GARNL3: variants seen among roughly 807,000 people sequenced by gnomAD.
GARNL3 encodes GTPase-activating Rap/Ran-GAP domain-like protein 3.
In GARNL3, 63 loss-of-function variants were observed where a neutral mutation model predicts 125.0. The ratio of observed to expected loss-of-function variants is 0.50; its 90% CI spans 0.41 to 0.62. GARNL3 has a LOEUF of 0.62. Among genes scored for constraint, GARNL3 ranks in the 20% least tolerant of loss-of-function variants. GARNL3 has a pLI of 0.00. For missense variants in GARNL3, 994 were observed against 1,244.0 expected, an observed-to-expected ratio of 0.80 and a Z score of 3.02; for synonymous variants, 439 against 457.5, an observed-to-expected ratio of 0.96 and a Z score of 0.52.
At chr9:127,299,855 G>A (rs368003008) in intron 2 of GARNL3, among the ~76,000 whole-genome samples, 1 of 151,470 alleles carries the variant, frequency 6.6e-6, no homozygotes, top group Admixed American at 6.6e-5. Flanking sequence ...GTGAGCCACC[G>A]TGCCCAGCCA....
In GARNL3 at chr9:127,302,471, G is replaced by A. The variant is rs915113079; in HGVS notation, c.220-9165G>A. ...CATTTACACAATGAACTGGTTAGTG[G>A]CCATTAGAATGAGGTAGACACATAT... On this transcript the variant is annotated intron_variant, in intron 2 of 27. Transcript: ENST00000373387. 8.7e-4 allele frequency among the ~76,000 whole-genome samples: 133 copies of A among 152,094 alleles called. 7 individuals carry two copies. The highest frequency in any genetic ancestry group is 4.4e-5 in the Non-Finnish European group (3 of 68,014).
chr9:127,391,533 A>AAAAAAAAAAAAAAAAAAATAT, intron 27 of GARNL3, among the ~76,000 whole-genome samples: 1 of 75,874 alleles, frequency 1.3e-5, no homozygotes, highest in Non-Finnish European at 3.2e-5. Context: ...ACAAAAAAAA[A>AAAAAAAAAAAAAAAAAAATAT]ATATATATAT....
rs1174526300 is a variant in GARNL3 at position 127,349,103 on chromosome 9, C to T, written c.1543+68C>T. ...TTGTAGTACTTCTAAGATGAGTGACCACCAACCAACTCCCTTTGGGCCATA... is the reference window on the plus strand; with the variant it reads ...TTGTAGTACTTCTAAGATGAGTGACTACCAACCAACTCCCTTTGGGCCATA... On this transcript the variant is annotated intron_variant, in intron 17 of 27. Transcript: ENST00000373387. The T allele has an allele frequency of 4.9e-6, 5 of 1,022,014 alleles. No homozygotes were observed. The East Asian group carries it at 7.1e-5, about 15-fold the overall frequency. 63.3% of individuals were successfully genotyped at this position (1,022,014 alleles called of 1,614,324 possible).
At chr9:127,366,097 G>A (rs1349347263) in intron 22 of GARNL3, among the ~76,000 whole-genome samples, 1 of 152,160 alleles carries the variant, frequency 6.6e-6, no homozygotes. Flanking sequence ...AGATAAAGCT[G>A]CCCAGTCTAA....
intron 22 of GARNL3, among the ~76,000 whole-genome samples, chr9:127,375,777 T>C (rs1459860362): frequency 6.6e-6 from 1 of 152,210 alleles, no homozygotes; most frequent in African/African-American, 2.4e-5. Context: ...GACTGCCTTA[T>C]GGTTCCTTCT....
At chr9:127,334,580 G>A (rs753298273) in intron 9 of GARNL3, among the ~76,000 whole-genome samples, 12 of 152,118 alleles carry the variant, frequency 7.9e-5, no homozygotes, top group African/African-American at 2.9e-4. Flanking sequence ...TCATACCCCC[G>A]CTGCCAACCC....
intron 2 of GARNL3, among the ~76,000 whole-genome samples, chr9:127,249,991 G>A (rs1442060883): frequency 1.3e-5 from 2 of 152,112 alleles, no homozygotes; most frequent in Non-Finnish European, 2.9e-5. Flanking sequence ...CCTGGGCAAC[G>A]AGTGAAACTC....
chr9:127,240,669 G>A (rs1361828935), intron 1 of GARNL3, among the ~76,000 whole-genome samples: 3 of 152,208 alleles, frequency 2.0e-5, no homozygotes, highest in East Asian at 1.9e-4. Flanking sequence ...TTGGGAAGTC[G>A]AGGTGGGAGG....
At chr9:127,262,863 G>C (rs989746920), upstream of GARNL3, among the ~76,000 whole-genome samples, 1 of 152,210 alleles carries the variant, frequency 6.6e-6, no homozygotes, top group African/African-American at 2.4e-5. Context: ...TTGGAGCTCT[G>C]GGTGAGCCAT....
chr9:127,346,878 G>C (rs1212065279), intron 16 of GARNL3, among the ~76,000 whole-genome samples: 1 of 152,132 alleles, frequency 6.6e-6, no homozygotes, highest in Non-Finnish European at 1.5e-5. Context: ...AGAGTGCCCA[G>C]GAACAGTCTG....
At chr9:127,265,699 C>T (rs978534982) in intron 1 of GARNL3, among the ~76,000 whole-genome samples, 1 of 152,138 alleles carries the variant, frequency 6.6e-6, no homozygotes, top group African/African-American at 2.4e-5. Context: ...AACAAATTTT[C>T]AGAAATGTGC....
intron 21 of GARNL3, 35 bp downstream of exon 21, chr9:127,357,412 GAA>G (rs770251489): frequency 3.1e-5 from 49 of 1,604,604 alleles, no homozygotes; most frequent in Non-Finnish European, 1.7e-6. Flanking sequence ...GTGAGAATCA[GAA>G]AAGAGTAATC....
At chr9:127,230,053 G>A (rs2062975176) in intron 1 of GARNL3, among the ~76,000 whole-genome samples, 1 of 152,232 alleles carries the variant, frequency 6.6e-6, no homozygotes, top group Non-Finnish European at 1.5e-5. Context: ...GGATGCAGTA[G>A]AATAAGACAC....
At chr9:127,378,304 G>C (rs1234186181) in intron 22 of GARNL3, among the ~76,000 whole-genome samples, 1 of 148,568 alleles carries the variant, frequency 6.7e-6, no homozygotes, top group Non-Finnish European at 1.5e-5. Context: ...AAAAGATAAA[G>C]ACGGCTGGGC....
chr9:127,365,118 A>G (rs1325774795), intron 21 of GARNL3, 182 bp from the exon 22 acceptor site: 1 of 546,302 alleles, frequency 1.8e-6, no homozygotes, highest in Non-Finnish European at 3.3e-6. Context: ...TTTCTTTCTC[A>G]CTTCCATTGT....
In GARNL3 at chr9:127,393,503, A is replaced by G. The variant is rs769116759; in HGVS notation, c.*249A>G. 1.7e-5 allele frequency: 5 copies of G among 301,084 alleles called. No individual in the cohort carries two copies. Among genetic ancestry groups the G allele is most frequent in the Non-Finnish European group, 2.4e-5 (4 of 164,318 alleles). The allele number at this position is 301,084 out of a possible 1,614,324, so 18.7% of individuals were successfully genotyped here. A position where few individuals can be genotyped will look rare whatever the true frequency, so the allele number is the denominator to read the frequency against. ...GTGGTAGATTTCATTGAGGTTTTAG[A>G]TTGAAACTTTGAATAAATCAAAAAT... On this transcript the variant is annotated 3_prime_UTR_variant, in exon 28 of 28. Coordinates refer to ENST00000373387, the MANE Select transcript of GARNL3 (RefSeq NM_032293.5).
At chr9:127,241,429 A>C (rs542907492) in intron 1 of GARNL3, among the ~76,000 whole-genome samples, 1 of 152,130 alleles carries the variant, frequency 6.6e-6, no homozygotes, top group Non-Finnish European at 1.5e-5. Flanking sequence ...TTGGGTAAAG[A>C]ACAACTGATA....
intron 22 of GARNL3, among the ~76,000 whole-genome samples, chr9:127,379,602 GA>G (rs1832131559): frequency 6.6e-6 from 1 of 152,170 alleles, no homozygotes; most frequent in Admixed American, 6.5e-5. Context: ...AGCAAACTGT[GA>G]ATAATGAGTT....
rs141992250 is a variant in GARNL3 at position 127,355,298 on chromosome 9, C to A, written c.1761C>A (p.Gly587=). ...CRENKLEKTK[G]CHLYAINTHH... ...GGCATCATTTCTTTCTCCTCCCAGG[C>A]TGCCACCTGTATGCTATTAACACTC... Residue 587 remains glycine, a splice_region_variant and synonymous_variant, in exon 20 of 28, where the codon GGC becomes GGA. Coordinates refer to ENST00000373387, the MANE Select transcript of GARNL3 (RefSeq NM_032293.5). The A allele has an allele frequency of 1.9e-6, 3 of 1,613,278 alleles. No individual in the cohort carries two copies. The highest frequency in any genetic ancestry group is 1.6e-4 in the Middle Eastern group (1 of 6,084).
Sources: allele counts gnomAD v4.1 joint callset (sites outside exome capture counted in the v4.1 genomes callset), GRCh38; gene constraint gnomAD v4.1.1; transcripts MANE v1.5; gene names NCBI Gene and HGNC (gene_info 2026-07-23, HGNC 2026-07-21).